The following FCN2 variants were observed in gnomAD, a reference collection of about 807,000 sequenced individuals.
FCN2 encodes ficolin 2, also known as ficolin-2.
FCN2 carries 31 observed loss-of-function variants against 32.5 expected under a neutral mutation model. That is an observed-to-expected ratio of 0.96 (90% CI 0.72 to 1.29). The LOEUF is 1.29. Ranked by LOEUF, FCN2 falls within the 50% of genes most tolerant of loss-of-function variation. FCN2 has a pLI of 0.00. For synonymous variants in FCN2, 181 were observed against 164.5 expected (o/e 1.10, Z -0.77); for missense variants, 412 against 406.5 (o/e 1.01, Z -0.12).
rs767918980 is a variant in FCN2, at chr9:134,880,915, T to C, written c.94T>C (p.Cys32Arg). 1.2e-6 allele frequency: 2 copies of C among 1,612,134 alleles called. No individual in the cohort carries two copies. Among genetic ancestry groups the C allele is most frequent in the Non-Finnish European group, 1.7e-6 (2 of 1,179,194 alleles). ...CTGGGCTCTCCAGGCGGCAGACACC[T>C]GTCCAGGTAAGGGCACTCCAGGGCC... The part of the protein sequence containing the change: ...MAWALQAADT[C>R]PEVKMVGLEG... Residue 32 changes from cysteine (C) to arginine (R), a missense_variant, in exon 1 of 8, where the codon TGT (cysteine) becomes CGT (arginine). Physicochemically the swap from Cys to Arg is radical, Grantham distance 180 (BLOSUM62 -3). Coordinates refer to ENST00000291744, the MANE Select transcript of FCN2 (RefSeq NM_004108.3).
chr9:134,884,830 C>A, intron 4 of FCN2, 58 bp downstream of exon 4: 1 of 1,493,946 alleles, frequency 6.7e-7, no homozygotes, highest in Non-Finnish European at 9.3e-7. Flanking sequence ...GCTGGAAGTC[C>A]AGGGTCATAC....
Position 134,886,453 on chromosome 9 carries a change from C to A in FCN2, c.583C>A (p.Leu195Met). 2.5e-6 allele frequency: 4 copies of A among 1,614,172 alleles called. No individual in the cohort carries two copies. In the South Asian group the frequency reaches 4.4e-5, roughly 18 times the overall value. Residue 195 changes from leucine to methionine, a missense_variant, in exon 7 of 8, where the codon CTG (leucine) becomes ATG (methionine). Coordinates refer to ENST00000291744, the MANE Select transcript of FCN2 (RefSeq NM_004108.3). ...AQGTSELRVD[L>M]VDFEDNYQFA... is the part of the protein sequence containing the mutation. Reference sequence around the variant, plus strand: ...AGGAACCAGCGAGCTCCGTGTAGACCTGGTGGACTTTGAGGACAACTACCA... The same window carrying A: ...AGGAACCAGCGAGCTCCGTGTAGACATGGTGGACTTTGAGGACAACTACCA...
In FCN2 at chr9:134,883,243, G is replaced by A. The variant is rs118122273; in HGVS notation, c.215-59G>A. ...AAATGACAGCCGCCAGCTCCAGGGTGGGCCCTTTGATCCTGGGCTGGGCAG... is the reference window on the plus strand; with the variant it reads ...AAATGACAGCCGCCAGCTCCAGGGTAGGCCCTTTGATCCTGGGCTGGGCAG... On this transcript the variant is annotated intron_variant, in intron 2 of 7. Coordinates refer to ENST00000291744, the MANE Select transcript of FCN2 (RefSeq NM_004108.3). 0.013 allele frequency: 17,965 copies of A among 1,370,548 alleles called. 1,066 individuals carry two copies. In the East Asian group the frequency reaches 0.17, roughly 13 times the overall value. 84.9% of individuals were successfully genotyped at this position (1,370,548 alleles called of 1,614,324 possible).
chr9:134,873,778 A>G, the FCN2 span, among the ~76,000 whole-genome samples: 1 of 152,220 alleles, frequency 6.6e-6, no homozygotes, highest in Non-Finnish European at 1.5e-5. Flanking sequence ...ATCAGCTTCA[A>G]TTTGTAATAA....
At position 134,885,258 on chromosome 9, in the gene FCN2, C is replaced by T. The variant is rs751392177; in HGVS notation, c.321C>T (p.Asp107=). ...PCLTGPRTCK[D]LLDRGHFLSG... ...TCCCAGGCCCGCGTACCTGCAAGGA[C>T]CTGCTAGACCGAGGGCACTTCCTGA... The change falls in exon 5 of 8, where the codon GAC becomes GAT. Residue 107 remains aspartate (D), a synonymous_variant. Coordinates refer to ENST00000291744, the MANE Select transcript of FCN2 (RefSeq NM_004108.3). 94 of 1,614,012 alleles carry T rather than the reference C, an allele frequency of 5.8e-5. 1 individual carries two copies. The highest frequency in any genetic ancestry group is 1.3e-4 in the Admixed American group (8 of 60,012).
the FCN2 span, among the ~76,000 whole-genome samples, chr9:134,871,173 C>T: frequency 5.3e-5 from 8 of 152,226 alleles, no homozygotes; most frequent in Admixed American, 6.5e-5. Flanking sequence ...ATTTACTCAA[C>T]GTGTGATCCC....
upstream of FCN2, among the ~76,000 whole-genome samples, chr9:134,879,185 T>TTTG (rs1285032639): frequency 6.6e-6 from 1 of 152,246 alleles, no homozygotes; most frequent in African/African-American, 2.4e-5. Context: ...TCCGCATAAA[T>TTTG]GCACTCTGCC....
In FCN2 at chr9:134,887,251, A is replaced by T. The variant is rs775259392; in HGVS notation, c.778A>T (p.Met260Leu). 2 of 1,614,092 alleles carry T rather than the reference A, an allele frequency of 1.2e-6. No homozygotes were observed. The highest frequency in any genetic ancestry group is 2.7e-5 in the African/African-American group (2 of 74,930). Residue 260 changes from methionine to leucine, a missense_variant, in exon 8 of 8, where the codon ATG becomes TTG. By Grantham distance (15) the Met-to-Leu change is conservative. Coordinates refer to ENST00000291744, the MANE Select transcript of FCN2 (RefSeq NM_004108.3). ...TCTTAACACCGGAAATTGTGCTGTG[A>T]TGTTTCAGGGAGCTTGGTGGTACAA... ...NDLNTGNCAV[M>L]FQGAWWYKNC...
At chr9:134,869,946 G>A in the FCN2 span, among the ~76,000 whole-genome samples, 4 of 152,124 alleles carry the variant, frequency 2.6e-5, no homozygotes, top group African/African-American at 4.8e-5. Flanking sequence ...AGGAGGGGGG[G>A]GCCCACAAAT....
At chr9:134,864,819 A>G in the FCN2 span, among the ~76,000 whole-genome samples, 1 of 152,106 alleles carries the variant, frequency 6.6e-6, no homozygotes, top group Non-Finnish European at 1.5e-5. Context: ...TTTAAGCCTC[A>G]CCCTTTAAAG....
chr9:134,870,775 C>T, the FCN2 span, among the ~76,000 whole-genome samples: 2 of 152,106 alleles, frequency 1.3e-5, no homozygotes, highest in Non-Finnish European at 2.9e-5. This position sits in a 1 kb window ranked among gnomAD's most constrained non-coding sequence, Gnocchi z 4.3. Context: ...GACACTGAGC[C>T]CCAGAAGAGG....
chr9:134,882,887 C>G (rs1450102711), intron 2 of FCN2, among the ~76,000 whole-genome samples: 1 of 152,080 alleles, frequency 6.6e-6, no homozygotes, highest in African/African-American at 2.4e-5. Flanking sequence ...GATCCAATAC[C>G]AGCTTTGCTC....
At chr9:134,873,148 G>A in the FCN2 span, among the ~76,000 whole-genome samples, 4 of 149,308 alleles carry the variant, frequency 2.7e-5, no homozygotes, top group Non-Finnish European at 5.9e-5. Context: ...TTTTTACTGA[G>A]TTTGAAGAGT....
chr9:134,879,500 A>G (rs1830634363), upstream of FCN2, among the ~76,000 whole-genome samples: 1 of 152,130 alleles, frequency 6.6e-6, no homozygotes, highest in Admixed American at 6.5e-5. Context: ...GCTCCTCTGC[A>G]GGTGACTTCA....
rs375766740 is a variant in FCN2 at position 134,885,910 on chromosome 9, C to A, written c.559+13C>A. The A allele has an allele frequency of 6.2e-7, 1 of 1,605,224 alleles. No homozygotes were observed. Among genetic ancestry groups the A allele is most frequent in the Non-Finnish European group, 8.5e-7 (1 of 1,175,634 alleles). Reference sequence around the variant, plus strand: ...CTGACCGCCCAGGGTAGGGCCGCTGCTGGGGCTTGGGGGTCGGGGGCCCTG... The same window carrying A: ...CTGACCGCCCAGGGTAGGGCCGCTGATGGGGCTTGGGGGTCGGGGGCCCTG... On this transcript the variant is annotated intron_variant, in intron 6 of 7. Transcript: ENST00000291744.
rs140994732 is a variant in FCN2, at chr9:134,887,488, A to G, written c.*73A>G. 1.3e-5 allele frequency: 19 copies of G among 1,456,354 alleles called. No homozygotes were observed. The highest frequency in any genetic ancestry group is 1.7e-4 in the Middle Eastern group (1 of 5,792). 90.2% of individuals were successfully genotyped at this position (1,456,354 alleles called of 1,614,324 possible). A position where few individuals can be genotyped will look rare whatever the true frequency, so the allele number is the denominator to read the frequency against. On this transcript the variant is annotated 3_prime_UTR_variant, in exon 8 of 8. Coordinates refer to ENST00000291744, the MANE Select transcript of FCN2 (RefSeq NM_004108.3). ...GGGGTAGGGTTGGGAGCTTGGCCCTACGGTTTGTAAAAGAAACACATGTCG... is the reference window on the plus strand; with the variant it reads ...GGGGTAGGGTTGGGAGCTTGGCCCTGCGGTTTGTAAAAGAAACACATGTCG...
chr9:134,872,815 C>T, the FCN2 span, among the ~76,000 whole-genome samples: 3 of 152,130 alleles, frequency 2.0e-5, no homozygotes, highest in Admixed American at 2.0e-4. Flanking sequence ...GGGACACAGC[C>T]AAACCATATC....
chr9:134,882,648 A>G lies in FCN2; in HGVS notation c.214+9A>G. 1 of 1,580,066 alleles carries G rather than the reference A, an allele frequency of 6.3e-7. No individual in the cohort carries two copies. The highest frequency in any genetic ancestry group is 8.7e-7 in the Non-Finnish European group (1 of 1,149,368). On this transcript the variant is annotated intron_variant, in intron 2 of 7. Transcript: ENST00000291744. Reference sequence around the variant, plus strand: ...CACCAATGGAAAGAGAGGTAGGTGCAGGCATGGCTGGGGGCACTGGCTCTT... The same window carrying G: ...CACCAATGGAAAGAGAGGTAGGTGCGGGCATGGCTGGGGGCACTGGCTCTT...
intron 7 of FCN2, 98 bp from the exon 8 acceptor site, chr9:134,887,070 C>T (rs1276049449): frequency 7.2e-7 from 1 of 1,392,192 alleles, no homozygotes; most frequent in Non-Finnish European, 1.0e-6. Flanking sequence ...CCTAACCATA[C>T]ATGGAGGACA....
Sources: allele counts gnomAD v4.1 joint callset (sites outside exome capture counted in the v4.1 genomes callset), GRCh38; gene constraint gnomAD v4.1.1; non-coding constraint Gnocchi (gnomAD v3.1); transcripts MANE v1.5; gene names NCBI Gene and HGNC (gene_info 2026-07-23, HGNC 2026-07-21).